Variants in EXD3 observed in about 807,000 individuals in gnomAD.
EXD3 encodes the protein exonuclease mut-7 homolog.
In EXD3, 92 loss-of-function variants were observed where a neutral mutation model predicts 98.0. That is an observed-to-expected ratio of 0.94 (90% CI 0.79 to 1.12). The LOEUF is 1.12. EXD3 is among the 50% of genes most tolerant of loss of function. The pLI, the probability that EXD3 is intolerant of heterozygous loss-of-function variation, is 0.00. For missense variants in EXD3, 1,222 were observed against 1,191.6 expected (o/e 1.03, Z -0.38); for synonymous variants, 569 against 526.0 (o/e 1.08, Z -1.12).
rs1837657611 is a variant in EXD3 at position 137,405,200 on chromosome 9, ACCT to A, written c.-47-9799_-47-9797del. On this transcript the variant is annotated intron_variant, in intron 1 of 21. Coordinates refer to ENST00000340951, the MANE Select transcript of EXD3 (RefSeq NM_017820.5). The surrounding 1 kb of genome is among the most constrained non-coding windows in gnomAD (Gnocchi z 4.1). ...GCACATCCGCACATCCCACCCTTGG[ACCT>A]CCTAACTGCGCTGGGGTCCGGCACA... 6.6e-6 allele frequency among the ~76,000 whole-genome samples: 1 copy of A among 152,064 alleles called. No individual in the cohort carries two copies. The highest frequency in any genetic ancestry group is 6.5e-5 in the Admixed American group (1 of 15,272).
At position 137,352,184 on chromosome 9, in the gene EXD3, G is replaced by A. The variant is rs199652710; in HGVS notation, c.1055C>T (p.Ser352Leu). 12 of 1,612,696 alleles carry A rather than the reference G, an allele frequency of 7.4e-6. No individual in the cohort carries two copies. The highest frequency in any genetic ancestry group is 1.7e-4 in the Middle Eastern group (1 of 6,058). ...CTTCATGTCCTTCACCTCCAGCCTC[G>A]AGTCAGCCTCAGTCGCCCTGGGAGG... ...RLQGRATEAD[S>L]RLEVKDMKDR... Residue 352 changes from serine (S) to leucine (L), a missense_variant, in exon 12 of 22, where the codon TCG becomes TTG. Transcript: ENST00000340951.
At position 137,331,641 on chromosome 9, in the gene EXD3, C is replaced by T. The variant is rs562128588; in HGVS notation, c.1999-7498G>A. 1.1e-4 allele frequency among the ~76,000 whole-genome samples: 16 copies of T among 152,264 alleles called. 1 individual carries two copies. In the South Asian group the frequency reaches 1.9e-3, roughly 18 times the overall value. The stretch of plus-strand genomic sequence containing the variant: ...AAGGAAACCAAGAACTCAGGCCAGG[C>T]GCGGTGGCTCACGCCTGTAATCCCA... On this transcript the variant is annotated intron_variant, in intron 17 of 21. Transcript: ENST00000340951.
Position 137,407,241 on chromosome 9 carries a change from C to T in EXD3, c.-47-11837G>A, listed in dbSNP as rs1837764365. 6.6e-6 allele frequency among the ~76,000 whole-genome samples: 1 copy of T among 152,200 alleles called. No homozygotes were observed. Among genetic ancestry groups the T allele is most frequent in the South Asian group, 2.1e-4 (1 of 4,826 alleles). ...CAGGCGCCTCCCCTACCCGCACGCC[C>T]AGGCTGGGTCTCCGTTTCCCACCAG... On this transcript the variant is annotated intron_variant, in intron 1 of 21. Transcript: ENST00000340951. The surrounding 1 kb of genome is among the most constrained non-coding windows in gnomAD (Gnocchi z 4.4).
At chr9:137,327,575 AC>A (rs1832501585) in intron 17 of EXD3, among the ~76,000 whole-genome samples, 1 of 152,188 alleles carries the variant, frequency 6.6e-6, no homozygotes. Context: ...ATGTTTTACC[AC>A]AAAAAGAAAG....
chr9:137,352,651 C>T lies in EXD3; in HGVS notation c.1006G>A (p.Val336Met), dbSNP rs115998217. 12,616 of 1,548,408 alleles carry T rather than the reference C, an allele frequency of 8.1e-3. 410 individuals carry two copies. The African/African-American group carries it at 0.096, about 12-fold the overall frequency. The change falls in exon 11 of 22, where the codon GTG becomes ATG. Residue 336 changes from valine (V) to methionine (M), a missense_variant. Val to Met is a conservative substitution (Grantham distance 21). Transcript: ENST00000340951. ...TGGAGCCTGAACCGGCGGAGTTCCA[C>T]AGCCACCGCAGCCGGCAGCCGCTCC... ...PEERLPAAVAVELRRFRLQGR... is the reference protein window; with the variant it reads ...PEERLPAAVAMELRRFRLQGR...
intron 17 of EXD3, among the ~76,000 whole-genome samples, chr9:137,336,625 TC>T (rs1833365532): frequency 7.3e-6 from 1 of 136,734 alleles, no homozygotes; most frequent in South Asian, 2.3e-4. Flanking sequence ...GCCACTGCAC[TC>T]CAGCCTGGGT....
intron 3 of EXD3, among the ~76,000 whole-genome samples, chr9:137,381,415 CAAA>C (rs61183889): frequency 1.4e-3 from 69 of 50,834 alleles, no homozygotes; most frequent in Admixed American, 4.1e-3. Context: ...GACTCCTTCT[CAAA>C]AAAAAAAAAA....
At chr9:137,333,179 T>G (rs1833178936) in intron 17 of EXD3, among the ~76,000 whole-genome samples, 1 of 152,164 alleles carries the variant, frequency 6.6e-6, no homozygotes, top group Non-Finnish European at 1.5e-5. Context: ...GTTCCTCAGC[T>G]TTTGGACTCT....
rs567881198 is a variant in EXD3 at position 137,344,142 on chromosome 9, C to T, written c.1998+3929G>A. ...TTCTGACCTGGTGATCCGCCCACCT[C>T]GGCCTCTGAAAGTGCTGGGATTACA... On this transcript the variant is annotated intron_variant, in intron 17 of 21. Transcript: ENST00000340951. Among the ~76,000 whole-genome samples the T allele has an allele frequency of 4.6e-5, 7 of 152,040 alleles. No homozygotes were observed. The South Asian group carries it at 6.2e-4, about 14-fold the overall frequency.
intron 17 of EXD3, among the ~76,000 whole-genome samples, chr9:137,333,340 A>G (rs1190660097): frequency 6.6e-6 from 1 of 152,150 alleles, no homozygotes; most frequent in African/African-American, 2.4e-5. Context: ...GGCCTGGGTG[A>G]GACTTCACCT....
At chr9:137,341,230 T>C (rs1833641168) in intron 17 of EXD3, among the ~76,000 whole-genome samples, 1 of 152,188 alleles carries the variant, frequency 6.6e-6, no homozygotes, top group Admixed American at 6.5e-5. Flanking sequence ...GTTGGGAGGC[T>C]CACTTGAGCC....
chr9:137,353,866 G>A, intron 10 of EXD3: 1 of 987,892 alleles, frequency 1.0e-6, no homozygotes, highest in Non-Finnish European at 1.2e-6. Context: ...AGCAGCCTGA[G>A]GCTGCTTCCC....
chr9:137,358,179 G>A (rs1048782132), intron 7 of EXD3, among the ~76,000 whole-genome samples: 16 of 152,158 alleles, frequency 1.1e-4, no homozygotes, highest in Non-Finnish European at 5.9e-5. Flanking sequence ...TGTGGCTGGC[G>A]AGAGGCCCCA....
chr9:137,396,259 C>T (rs771783760), intron 1 of EXD3, among the ~76,000 whole-genome samples: 28 of 152,152 alleles, frequency 1.8e-4, no homozygotes, highest in Non-Finnish European at 2.9e-4. Flanking sequence ...TGAGCCACCG[C>T]GCCTGGCCCC....
At chr9:137,415,578 T>C (rs1214223804) in intron 1 of EXD3, among the ~76,000 whole-genome samples, 1 of 152,188 alleles carries the variant, frequency 6.6e-6, no homozygotes, top group East Asian at 1.9e-4. Context: ...CCCACCTCCC[T>C]GCAGCTCACT....
chr9:137,345,127 G>A (rs1362629228), intron 17 of EXD3, among the ~76,000 whole-genome samples: 2 of 152,072 alleles, frequency 1.3e-5, no homozygotes, highest in African/African-American at 4.8e-5. Context: ...GCCCCATGGC[G>A]TTTCCCGCCA....
intron 17 of EXD3, among the ~76,000 whole-genome samples, chr9:137,332,707 T>C (rs866738642): frequency 4.6e-5 from 7 of 151,922 alleles, no homozygotes; most frequent in African/African-American, 1.4e-4. Flanking sequence ...TAGCCATGCA[T>C]GGTGGCGGGC....
At position 137,385,046 on chromosome 9, in the gene EXD3, C is replaced by T. The variant is rs533346809; in HGVS notation, c.56-1669G>A. Among the ~76,000 whole-genome samples the T allele has an allele frequency of 3.9e-4, 60 of 152,218 alleles. 1 individual carries two copies. In the East Asian group the frequency reaches 0.011, roughly 28 times the overall value. On this transcript the variant is annotated intron_variant, in intron 2 of 21. Coordinates refer to ENST00000340951, the MANE Select transcript of EXD3 (RefSeq NM_017820.5). This position sits in a 1 kb window ranked among gnomAD's most constrained non-coding sequence, Gnocchi z 4.4. ...GGCGGAGGTCGCAGTGAGCCGAGAT[C>T]GGGCCACTGCACTCCAGCCTGGGCA... is the stretch of plus-strand genomic sequence containing the variant.
intron 1 of EXD3, among the ~76,000 whole-genome samples, chr9:137,404,789 G>A (rs916750386): frequency 6.6e-6 from 1 of 152,024 alleles, no homozygotes; most frequent in East Asian, 1.9e-4. Context: ...GAACCCGGGA[G>A]GCAGAGGTTG....
Sources: allele counts gnomAD v4.1 joint callset (sites outside exome capture counted in the v4.1 genomes callset), GRCh38; gene constraint gnomAD v4.1.1; non-coding constraint Gnocchi (gnomAD v3.1); transcripts MANE v1.5; gene names NCBI Gene and HGNC (gene_info 2026-07-23, HGNC 2026-07-21).